ZNF608: variants seen among roughly 807,000 people sequenced by gnomAD.
ZNF608 encodes renal carcinoma antigen NY-REN-36.
In ZNF608, 12 loss-of-function variants were observed where a neutral mutation model predicts 109.0. The ratio of observed to expected loss-of-function variants is 0.11; its 90% confidence interval spans 0.07 to 0.18. The LOEUF (loss-of-function observed/expected upper bound fraction) is 0.18. Ranked by LOEUF, ZNF608 falls within the 10% of genes least tolerant of loss-of-function variation. The pLI, the probability that ZNF608 is intolerant of heterozygous loss-of-function variation, is 1.00. For synonymous variants in ZNF608, 732 were observed against 717.4 expected (o/e 1.02, Z -0.33); for missense variants, 1,707 against 1,879.3 (o/e 0.91, Z 1.70).
chr5:124,701,337 A>G (rs879715171), intron 2 of ZNF608, 68 bp from the exon 3 acceptor site: 21 of 1,571,022 alleles, frequency 1.3e-5, no homozygotes, highest in Non-Finnish European at 1.6e-5. Context: ...CAATTTGCTT[A>G]TATCACTTCT....
chr5:124,725,605 CTA>C (rs1386111333), intron 2 of ZNF608, among the ~76,000 whole-genome samples: 1 of 152,214 alleles, frequency 6.6e-6, no homozygotes, highest in African/African-American at 2.4e-5. Flanking sequence ...TAACTGCTGT[CTA>C]TGACATGTGT....
At chr5:124,711,324 TTTTCA>T (rs1198296404) in intron 2 of ZNF608, among the ~76,000 whole-genome samples, 1 of 152,248 alleles carries the variant, frequency 6.6e-6, no homozygotes, top group African/African-American at 2.4e-5. Context: ...AAGGAATAAC[TTTTCA>T]TTTTATAGCC....
intron 3 of ZNF608, among the ~76,000 whole-genome samples, chr5:124,654,375 T>C (rs1203030725): frequency 2.0e-5 from 3 of 152,178 alleles, no homozygotes; most frequent in Admixed American, 2.0e-4. Context: ...GTTCTTCATG[T>C]CACATTTTTA....
intron 3 of ZNF608, among the ~76,000 whole-genome samples, chr5:124,664,819 A>T (rs1219717670): frequency 6.6e-6 from 1 of 152,214 alleles, no homozygotes; most frequent in Admixed American, 6.5e-5. Context: ...GGCTAAGGTC[A>T]TCTTGATGAT....
rs894963936 is a variant in ZNF608 at position 124,648,808 on chromosome 5, T to C, written c.1576A>G (p.Asn526Asp). Residue 526 changes from asparagine to aspartate, a missense_variant, in exon 5 of 10, where the codon AAT (asparagine) becomes GAT (aspartate). Physicochemically the swap from Asn to Asp is conservative, Grantham distance 23. This residue lies in a region of ZNF608 where 166 missense variants were observed against 204.2 expected (regional missense o/e 0.81). Transcript: ENST00000513986. ...GGGGTAGTGGGAGTGCTTCTGGAAT[T>C]TGTGCGGACACGCTTTCCAGGCTTA... ...DNKPGKRVRTNSRSTPTTPQG... is the reference protein window; with the variant it reads ...DNKPGKRVRTDSRSTPTTPQG... 6.2e-7 allele frequency: 1 copy of C among 1,614,122 alleles called. No individual in the cohort carries two copies. The highest frequency in any genetic ancestry group is 1.3e-5 in the African/African-American group (1 of 74,950).
rs575944961 is a variant in ZNF608 at position 124,693,451 on chromosome 5, A to G, written c.1162+7563T>C. ...TTTTACTATAACTAAGTCCTAAGAAAAAAAGTTTTAAAGTTTTCCATTATA... is the reference window on the plus strand; with the variant it reads ...TTTTACTATAACTAAGTCCTAAGAAGAAAAGTTTTAAAGTTTTCCATTATA... On this transcript the variant is annotated intron_variant, in intron 3 of 9. Coordinates refer to ENST00000513986, the MANE Select transcript of ZNF608 (RefSeq NM_020747.3). Among the ~76,000 whole-genome samples the G allele has an allele frequency of 3.9e-5, 6 of 152,330 alleles. No individual in the cohort carries two copies. In the South Asian group the frequency reaches 1.0e-3, roughly 26 times the overall value.
upstream of ZNF608, among the ~76,000 whole-genome samples, chr5:124,747,719 G>T (rs1033309176): frequency 6.6e-6 from 1 of 152,044 alleles, no homozygotes; most frequent in African/African-American, 2.4e-5. Context: ...AGTTCGGAAG[G>T]AGCGAAATGT....
intron 2 of ZNF608, among the ~76,000 whole-genome samples, chr5:124,715,948 C>T (rs1402732436): frequency 1.3e-5 from 2 of 151,914 alleles, no homozygotes; most frequent in African/African-American, 4.8e-5. Flanking sequence ...TGGAGACCAT[C>T]CTGGCTAACA....
At chr5:124,679,172 C>A (rs912923864) in intron 3 of ZNF608, among the ~76,000 whole-genome samples, 4 of 152,180 alleles carry the variant, frequency 2.6e-5, no homozygotes, top group African/African-American at 7.2e-5. Flanking sequence ...AAAACGTTTC[C>A]TTCAGTTTAC....
chr5:124,698,766 C>T (rs1752940472), intron 3 of ZNF608, among the ~76,000 whole-genome samples: 1 of 152,140 alleles, frequency 6.6e-6, no homozygotes, highest in African/African-American at 2.4e-5. Flanking sequence ...GTTTTTAAAC[C>T]CAGATTTTTT....
chr5:124,674,739 T>A (rs1021017924), intron 3 of ZNF608, among the ~76,000 whole-genome samples: 3 of 152,122 alleles, frequency 2.0e-5, no homozygotes, highest in Admixed American at 2.0e-4. Context: ...GCCTCCTGAG[T>A]AGCTTGGACT....
chr5:124,651,399 T>C (rs1475814627), intron 3 of ZNF608, among the ~76,000 whole-genome samples: 3 of 152,200 alleles, frequency 2.0e-5, no homozygotes, highest in Non-Finnish European at 2.9e-5. Context: ...CTGTGTGTGG[T>C]GTCAAAGACC....
intron 2 of ZNF608, among the ~76,000 whole-genome samples, chr5:124,722,778 G>A (rs991172853): frequency 6.7e-6 from 1 of 149,086 alleles, no homozygotes; most frequent in Admixed American, 6.6e-5. Context: ...AATCAGAATA[G>A]GGGTTAGGAA....
chr5:124,734,945 G>A (rs1168082185), intron 2 of ZNF608: 1 of 152,154 alleles, frequency 6.6e-6, no homozygotes, highest in Non-Finnish European at 1.5e-5. Context: ...AATACATTTT[G>A]GGAAATCTTG....
intron 5 of ZNF608, among the ~76,000 whole-genome samples, chr5:124,645,520 G>A (rs2149786238): frequency 6.6e-6 from 1 of 151,678 alleles, no homozygotes; most frequent in African/African-American, 2.4e-5. Flanking sequence ...CGGTGGTGGG[G>A]GCTGGTGGTT....
intron 2 of ZNF608, among the ~76,000 whole-genome samples, chr5:124,740,945 C>G (rs1422555032): frequency 6.6e-6 from 1 of 152,266 alleles, no homozygotes; most frequent in East Asian, 1.9e-4. Flanking sequence ...TAAGTCAAAA[C>G]TGTAAGATGG....
chr5:124,719,108 G>A (rs775021823), intron 2 of ZNF608, among the ~76,000 whole-genome samples: 3 of 152,196 alleles, frequency 2.0e-5, no homozygotes, highest in African/African-American at 4.8e-5. Flanking sequence ...ATCAAAATGT[G>A]TGCCAAGTGC....
intron 2 of ZNF608, among the ~76,000 whole-genome samples, chr5:124,704,639 T>C (rs115339393): frequency 0.011 from 1,642 of 152,220 alleles, 29 homozygotes; most frequent in African/African-American, 0.037. Flanking sequence ...TTCTCCTATT[T>C]CGTAAAATAA....
chr5:124,731,258 T>C (rs1748882384), intron 2 of ZNF608, among the ~76,000 whole-genome samples: 1 of 152,210 alleles, frequency 6.6e-6, no homozygotes, highest in South Asian at 2.1e-4. Flanking sequence ...TGGCCCAGGC[T>C]GGTGTGCAGT....
Sources: gnomAD v4.1 joint callset for allele counts (sites outside exome capture counted in the v4.1 genomes callset) on GRCh38, gnomAD v4.1.1 for gene constraint, gnomAD v4.1.1 regional missense constraint, MANE v1.5 for transcripts, NCBI Gene and HGNC (gene_info 2026-07-23, HGNC 2026-07-21) for gene names.